Variants in WDR11 observed in about 807,000 individuals in gnomAD.
WDR11 encodes the protein WD repeat domain 11, also known as WD repeat-containing protein 11.
In WDR11, 83 loss-of-function variants were observed where a neutral mutation model predicts 151.2. That is an observed-to-expected ratio of 0.55 (90% CI 0.46 to 0.66). The LOEUF (loss-of-function observed/expected upper bound fraction) is 0.66, where lower values mean the gene tolerates loss of function less well. Among genes scored for constraint, WDR11 ranks in the 30% least tolerant of loss-of-function variants. WDR11 has a pLI of 0.00. For synonymous variants in WDR11, 484 were observed against 533.1 expected (o/e 0.91, Z 1.27); for missense variants, 1,301 against 1,480.9 (o/e 0.88, Z 1.99).
intron 19 of WDR11, among the ~76,000 whole-genome samples, chr10:120,896,317 A>G (rs537646683): frequency 3.9e-5 from 6 of 152,332 alleles, no homozygotes; most frequent in African/African-American, 1.2e-4. Context: ...CAATGAGAAT[A>G]GTTAGAAGAT....
At chr10:120,891,590 A>C (rs531055937) in intron 19 of WDR11, among the ~76,000 whole-genome samples, 20 of 152,264 alleles carry the variant, frequency 1.3e-4, no homozygotes, top group African/African-American at 4.8e-4. Flanking sequence ...GGAGGAGGGA[A>C]CTTCTTGCCT....
Position 120,860,271 on chromosome 10 carries a change from C to A in WDR11, c.515C>A (p.Ser172Ter). The change falls in exon 4 of 29, where the codon TCA (serine) becomes TAA (stop). Residue 172 changes from serine to a stop codon, truncating the protein, a stop_gained. Coordinates refer to ENST00000263461, the MANE Select transcript of WDR11 (RefSeq NM_018117.12). LOFTEE classifies it high-confidence loss of function. ...LSFSFDPFDPSHLTLLTSEGI... is the reference protein window; with the variant it reads ...LSFSFDPFDP ...TTTTCTTTTGACCCTTTTGATCCCT[C>A]ACATTTAACTTGTGAGTAACAGTTG... The A allele has an allele frequency of 4.3e-6, 7 of 1,613,746 alleles. No homozygotes were observed. Among genetic ancestry groups the A allele is most frequent in the Non-Finnish European group, 5.9e-6 (7 of 1,180,016 alleles).
At chr10:120,904,289 A>G in intron 24 of WDR11, 147 bp downstream of exon 24, 1 of 695,614 alleles carries the variant, frequency 1.4e-6, no homozygotes, top group South Asian at 1.8e-5. Flanking sequence ...TTTCTTTCAA[A>G]ATAATACCAA....
chr10:120,906,151 C>CA, intron 27 of WDR11, 130 bp downstream of exon 27: 1 of 1,554,064 alleles, frequency 6.4e-7, no homozygotes, highest in South Asian at 1.2e-5. Flanking sequence ...TCAGGTTTGT[C>CA]AAAAAACCCA....
At position 120,876,497 on chromosome 10, in the gene WDR11, A is replaced by G. The variant is rs573901520; in HGVS notation, c.1557-1856A>G. ...GCTTTTGAGGTGCAGTGACACAGGTATCTGTTTGGACTCTTTCAGGCTGTT... is the reference window on the plus strand; with the variant it reads ...GCTTTTGAGGTGCAGTGACACAGGTGTCTGTTTGGACTCTTTCAGGCTGTT... On this transcript the variant is annotated intron_variant, in intron 11 of 28. Transcript: ENST00000263461. Among the ~76,000 whole-genome samples, 14 of 152,290 alleles carry G rather than the reference A, an allele frequency of 9.2e-5. No homozygotes were observed. The South Asian group carries it at 2.9e-3, about 32-fold the overall frequency.
intron 16 of WDR11, among the ~76,000 whole-genome samples, chr10:120,887,068 A>G (rs1425163157): frequency 6.6e-6 from 1 of 152,208 alleles, no homozygotes; most frequent in East Asian, 1.9e-4. Context: ...ATAATCCATG[A>G]GGAGTTATCT....
intron 2 of WDR11, among the ~76,000 whole-genome samples, chr10:120,853,260 A>C (rs1458675599): frequency 6.6e-6 from 1 of 151,912 alleles, no homozygotes; most frequent in East Asian, 1.9e-4. Context: ...AAGATTACGA[A>C]GGAGTTTGGA....
At position 120,909,043 on chromosome 10, in the gene WDR11, T is replaced by C; in HGVS notation, c.*330T>C. ...TCAAGAGACTGAATCACTTTTCTCATTGATTAAATGTAAAGATTATTGAGA... is the reference window on the plus strand; with the variant it reads ...TCAAGAGACTGAATCACTTTTCTCACTGATTAAATGTAAAGATTATTGAGA... On this transcript the variant is annotated 3_prime_UTR_variant, in exon 29 of 29. Transcript: ENST00000263461. The C allele has an allele frequency of 3.1e-6, 1 of 327,610 alleles. No homozygotes were observed. The highest frequency in any genetic ancestry group is 3.3e-5 in the South Asian group (1 of 30,508). 20.3% of individuals were successfully genotyped at this position (327,610 alleles called of 1,614,324 possible).
intron 26 of WDR11, 133 bp from the exon 27 acceptor site, chr10:120,905,743 C>G: frequency 6.7e-7 from 1 of 1,499,624 alleles, no homozygotes; most frequent in Admixed American, 1.8e-5. Flanking sequence ...TATGCAGCAG[C>G]TTCAGGGCAG....
rs1199238123 is a variant in WDR11 at position 120,906,324 on chromosome 10, G to A, written c.3437+303G>A. On this transcript the variant is annotated intron_variant, in intron 27 of 28. Transcript: ENST00000263461. The stretch of plus-strand genomic sequence containing the variant: ...ATTCAGCTTTGACTAGAGCAACTGA[G>A]AGGAGGCCCAGAGAGCAGGGGGAGA... The A allele has an allele frequency of 7.8e-6, 10 of 1,286,950 alleles. No homozygotes were observed. The African/African-American group carries it at 1.2e-4, about 16-fold the overall frequency. The allele number at this position is 1,286,950 out of a possible 1,614,324, so 79.7% of individuals were successfully genotyped here.
At chr10:120,884,381 A>G (rs1847140410) in intron 14 of WDR11, among the ~76,000 whole-genome samples, 1 of 152,184 alleles carries the variant, frequency 6.6e-6, no homozygotes, top group Non-Finnish European at 1.5e-5. Flanking sequence ...AGTAGCACAA[A>G]TCAAAGAGGA....
Position 120,904,699 on chromosome 10 carries a change from T to C in WDR11, c.3081T>C (p.Tyr1027=), listed in dbSNP as rs1433860159. 5.0e-6 allele frequency: 8 copies of C among 1,614,220 alleles called. No homozygotes were observed. In the East Asian group the frequency reaches 1.8e-4, roughly 36 times the overall value. The change falls in exon 25 of 29, where the codon TAT becomes TAC. Residue 1027 remains tyrosine (Y), a synonymous_variant. Coordinates refer to ENST00000263461, the MANE Select transcript of WDR11 (RefSeq NM_018117.12). ...AAACAAGTGCAGATAACCAGCATTA[T>C]TACTGTGATTCACTGAAAGCCTGTT... ...LLETSADNQH[Y]YCDSLKACLV...
intron 21 of WDR11, among the ~76,000 whole-genome samples, chr10:120,901,562 A>AC (rs1847816622): frequency 6.6e-6 from 1 of 152,200 alleles, no homozygotes; most frequent in Non-Finnish European, 1.5e-5. Context: ...CATTTAACAG[A>AC]ATGTACTGGG....
In WDR11 at chr10:120,909,088, T is replaced by G; in HGVS notation, c.*375T>G. On this transcript the variant is annotated 3_prime_UTR_variant, in exon 29 of 29. Transcript: ENST00000263461. Reference sequence around the variant, plus strand: ...TTGAGAAACCTATAGTAAATGAAATTTGTGAGATGTTTTCTCAAATATATG... The same window carrying G: ...TTGAGAAACCTATAGTAAATGAAATGTGTGAGATGTTTTCTCAAATATATG... 1 of 271,602 alleles carries G rather than the reference T, an allele frequency of 3.7e-6. No individual in the cohort carries two copies. The highest frequency in any genetic ancestry group is 7.1e-6 in the Non-Finnish European group (1 of 139,948). The allele number at this position is 271,602 out of a possible 1,614,324, so 16.8% of individuals were successfully genotyped here.
chr10:120,852,658 G>A lies in WDR11; in HGVS notation c.198+23G>A, dbSNP rs186618703. The A allele has an allele frequency of 1.8e-5, 28 of 1,585,668 alleles. No individual in the cohort carries two copies. In the African/African-American group the frequency reaches 3.1e-4, roughly 17 times the overall value. ...AAGGTAAGTAAAATCCCACTTTGAC[G>A]CTAACATGTTGTCTAGTCTAAAGTT... On this transcript the variant is annotated intron_variant, in intron 2 of 28. Coordinates refer to ENST00000263461, the MANE Select transcript of WDR11 (RefSeq NM_018117.12).
At chr10:120,878,262 T>C in intron 11 of WDR11, 91 bp from the exon 12 acceptor site, 1 of 964,552 alleles carries the variant, frequency 1.0e-6, no homozygotes, top group Non-Finnish European at 1.6e-6. Flanking sequence ...GTAATAAAAT[T>C]TAGGTCTTTG....
At position 120,902,212 on chromosome 10, in the gene WDR11, T is replaced by C. The variant is rs759663518; in HGVS notation, c.2688-45T>C. The C allele has an allele frequency of 2.6e-6, 4 of 1,537,838 alleles. No individual in the cohort carries two copies. In the East Asian group the frequency reaches 9.0e-5, roughly 35 times the overall value. Reference sequence around the variant, plus strand: ...TGATCAACCCCCATGCTTTATTGTTTGATTGAAAACTTTTGTCTCACTTTT... The same window carrying C: ...TGATCAACCCCCATGCTTTATTGTTCGATTGAAAACTTTTGTCTCACTTTT... On this transcript the variant is annotated intron_variant, in intron 21 of 28. Transcript: ENST00000263461.
intron 21 of WDR11, among the ~76,000 whole-genome samples, chr10:120,901,897 G>A (rs569099292): frequency 2.6e-5 from 4 of 152,152 alleles, no homozygotes; most frequent in Non-Finnish European, 5.9e-5. Flanking sequence ...AATAAATTAC[G>A]AATGTCATCT....
At chr10:120,878,510 C>A in intron 12 of WDR11, 51 bp downstream of exon 12, 1 of 1,434,320 alleles carries the variant, frequency 7.0e-7, no homozygotes, top group Non-Finnish European at 9.8e-7. Flanking sequence ...AAACATGTTG[C>A]CATTTATAAA....
Sources: allele counts gnomAD v4.1 joint callset (sites outside exome capture counted in the v4.1 genomes callset), GRCh38; gene constraint gnomAD v4.1.1; transcripts MANE v1.5; gene names NCBI Gene and HGNC (gene_info 2026-07-23, HGNC 2026-07-21).